WDFY4: variants seen among roughly 807,000 people sequenced by gnomAD.
The protein encoded by WDFY4 is WD repeat- and FYVE domain-containing protein 4.
WDFY4 carries 169 observed loss-of-function variants against 351.9 expected under a neutral mutation model. The ratio of observed to expected loss-of-function variants is 0.48; its 90% CI spans 0.42 to 0.55. The LOEUF is 0.55. WDFY4 is among the 20% of genes least tolerant of loss of function. The pLI is 0.00. For missense variants in WDFY4, 3,803 were observed against 3,935.6 expected (o/e 0.97, Z 0.90); for synonymous variants, 1,622 against 1,574.6 (o/e 1.03, Z -0.71).
chr10:48,721,115 T>G (rs1016067049), intron 3 of WDFY4, 146 bp from the exon 4 acceptor site: 12 of 704,540 alleles, frequency 1.7e-5, no homozygotes, highest in Non-Finnish European at 2.7e-5. Context: ...TTGGTAGAGA[T>G]GCAGGTGGCC....
At position 48,969,807 on chromosome 10, in the gene WDFY4, C is replaced by T. The variant is rs114001998; in HGVS notation, c.8770-324C>T. Among the ~76,000 whole-genome samples, 732 of 152,192 alleles carry T rather than the reference C, an allele frequency of 4.8e-3. 6 individuals carry two copies. The highest frequency in any genetic ancestry group is 0.017 in the African/African-American group (701 of 41,502). On this transcript the variant is annotated intron_variant, in intron 56 of 61. Coordinates refer to ENST00000325239, the MANE Select transcript of WDFY4 (RefSeq NM_001394531.1). ...AAGCTCTCCCCAGCCCCTCCCTAGC[C>T]TTGCCCCACCAACTTCTTGAGGCAG...
chr10:48,880,865 G>C (rs900784363), intron 43 of WDFY4, among the ~76,000 whole-genome samples: 3 of 152,138 alleles, frequency 2.0e-5, no homozygotes, highest in African/African-American at 7.2e-5. Flanking sequence ...CCTGCTTCTG[G>C]AGATGCAGGC....
chr10:48,915,342 A>G (rs1232854555), intron 47 of WDFY4, among the ~76,000 whole-genome samples: 1 of 152,048 alleles, frequency 6.6e-6, no homozygotes, highest in Non-Finnish European at 1.5e-5. Context: ...AGCCAGGAAG[A>G]GGACGCAACT....
chr10:48,890,133 G>A (rs1564453235), intron 43 of WDFY4, among the ~76,000 whole-genome samples: 1 of 152,206 alleles, frequency 6.6e-6, no homozygotes, highest in Non-Finnish European at 1.5e-5. Context: ...TGTGGTTCTA[G>A]GCACATTTGA....
chr10:48,897,265 G>C (rs1003145638), intron 44 of WDFY4, among the ~76,000 whole-genome samples, 189 bp from the exon 45 acceptor site: 1 of 152,216 alleles, frequency 6.6e-6, no homozygotes, highest in South Asian at 2.1e-4. Flanking sequence ...AGCTGACATG[G>C]GCAAGCACTC....
At chr10:48,944,954 G>A (rs1840962706) in intron 49 of WDFY4, among the ~76,000 whole-genome samples, 2 of 151,746 alleles carry the variant, frequency 1.3e-5, no homozygotes, top group African/African-American at 4.8e-5. Context: ...GTCCCCTCCA[G>A]CACTCACTGG....
At chr10:48,748,360 A>G (rs910141491) in intron 12 of WDFY4, among the ~76,000 whole-genome samples, 1 of 152,212 alleles carries the variant, frequency 6.6e-6, no homozygotes, top group Non-Finnish European at 1.5e-5. Flanking sequence ...GATAAAAAAC[A>G]TGGCCAAAGG....
chr10:48,768,251 C>T (rs1402571215), intron 13 of WDFY4, among the ~76,000 whole-genome samples: 1 of 152,158 alleles, frequency 6.6e-6, no homozygotes, highest in Non-Finnish European at 1.5e-5. Context: ...CCAGGCTTCC[C>T]AGCCCTCCAG....
chr10:48,858,236 T>C (rs769988835), intron 39 of WDFY4, among the ~76,000 whole-genome samples: 1 of 152,242 alleles, frequency 6.6e-6, no homozygotes, highest in Non-Finnish European at 1.5e-5. Flanking sequence ...TTAATGTTGA[T>C]GTCCAGTTCA....
chr10:48,931,381 A>G (rs930089912), intron 47 of WDFY4, among the ~76,000 whole-genome samples: 1 of 152,304 alleles, frequency 6.6e-6, no homozygotes, highest in Non-Finnish European at 1.5e-5. Flanking sequence ...GGGGAGGAGC[A>G]GGCAGCCCAA....
intron 1 of WDFY4, among the ~76,000 whole-genome samples, chr10:48,703,914 A>T (rs1267714607): frequency 6.6e-6 from 1 of 152,078 alleles, no homozygotes; most frequent in East Asian, 1.9e-4. Context: ...GAGGGTGGAT[A>T]GTGACACCAA....
intron 6 of WDFY4, among the ~76,000 whole-genome samples, chr10:48,727,047 AC>A (rs1221583232): frequency 6.6e-6 from 1 of 151,904 alleles, no homozygotes; most frequent in Non-Finnish European, 1.5e-5. Context: ...TATCCAAAGC[AC>A]CCCATCTTTT....
chr10:48,766,349 G>A (rs1221123904), intron 13 of WDFY4, among the ~76,000 whole-genome samples: 1 of 152,154 alleles, frequency 6.6e-6, no homozygotes, highest in Non-Finnish European at 1.5e-5. Flanking sequence ...TCAGCACTTT[G>A]GGAGTCCAAG....
chr10:48,906,887 A>G (rs1837642577), intron 47 of WDFY4, among the ~76,000 whole-genome samples: 2 of 152,044 alleles, frequency 1.3e-5, no homozygotes, highest in South Asian at 4.1e-4. Flanking sequence ...AAACAATCAT[A>G]TTGGCTTATA....
At chr10:48,956,571 C>A (rs534876744) in intron 51 of WDFY4, among the ~76,000 whole-genome samples, 1 of 152,306 alleles carries the variant, frequency 6.6e-6, no homozygotes, top group East Asian at 1.9e-4. Flanking sequence ...AAGCCTTGTC[C>A]TCTGCTCAGA....
chr10:48,914,137 CT>C, intron 47 of WDFY4: 1 of 1,613,706 alleles, frequency 6.2e-7, no homozygotes, highest in Non-Finnish European at 8.5e-7. Flanking sequence ...CCCTTGGGGC[CT>C]TTCTCACCCT....
chr10:48,919,081 A>G (rs1838815484), intron 47 of WDFY4, among the ~76,000 whole-genome samples: 1 of 152,220 alleles, frequency 6.6e-6, no homozygotes, highest in Non-Finnish European at 1.5e-5. Context: ...GTCATGAAAC[A>G]AGCCTTAACG....
rs1304896780 is a variant in WDFY4, at chr10:48,982,520, A to G, written c.9500A>G (p.Lys3167Arg). The part of the protein sequence containing the change: ...TALAVSRNHT[K>R]LLVGDERGRI... ...TTTCTCTTCCCAAGAAACCACACCA[A>G]ACTCCTGGTTGGTGATGAGAGGGGG... The change falls in exon 62 of 62, where the codon AAA becomes AGA. Residue 3167 changes from lysine to arginine, a missense_variant. Physicochemically the swap from Lys to Arg is conservative, Grantham distance 26. This residue lies in a region of WDFY4 where 3,054 missense variants were observed against 3,148.6 expected (regional missense o/e 0.97). Transcript: ENST00000325239. 6.6e-7 allele frequency: 1 copy of G among 1,520,846 alleles called. No individual in the cohort carries two copies. Among genetic ancestry groups the G allele is most frequent in the African/African-American group, 1.4e-5 (1 of 71,724 alleles). 94.2% of individuals were successfully genotyped at this position (1,520,846 alleles called of 1,614,324 possible). A position where few individuals can be genotyped will look rare whatever the true frequency, so the allele number is the denominator to read the frequency against.
intron 43 of WDFY4, among the ~76,000 whole-genome samples, chr10:48,885,722 C>CTG (rs1481765135): frequency 6.0e-4 from 90 of 150,472 alleles, no homozygotes; most frequent in East Asian, 4.3e-3. Flanking sequence ...TGTTCTCTCT[C>CTG]TCTCTCTCTC....
Sources: gnomAD v4.1 joint callset for allele counts (sites outside exome capture counted in the v4.1 genomes callset) on GRCh38, gnomAD v4.1.1 for gene constraint, gnomAD v4.1.1 regional missense constraint, MANE v1.5 for transcripts, NCBI Gene and HGNC (gene_info 2026-07-23, HGNC 2026-07-21) for gene names.